The following GALNT1 variants were observed in gnomAD, a reference collection of about 807,000 sequenced individuals.
The protein encoded by GALNT1 is polypeptide N-acetylgalactosaminyltransferase 1.
A neutral mutation model predicts 65.7 loss-of-function variants in GALNT1; 17 were observed. That is an observed-to-expected ratio of 0.26 (90% confidence interval 0.18 to 0.39). The LOEUF (loss-of-function observed/expected upper bound fraction) is 0.39. GALNT1 is among the 10% of genes least tolerant of loss of function. The pLI, the probability that GALNT1 is intolerant of heterozygous loss-of-function variation, is 1.00. For missense variants in GALNT1, 460 were observed against 672.8 expected (o/e 0.68, Z 3.50); for synonymous variants, 210 against 219.7 (o/e 0.96, Z 0.39).
In GALNT1 at chr18:35,663,809, A is replaced by G; in HGVS notation, c.314+7A>G. 6.2e-7 allele frequency: 1 copy of G among 1,612,146 alleles called. No individual in the cohort carries two copies. The highest frequency in any genetic ancestry group is 8.5e-7 in the Non-Finnish European group (1 of 1,179,146). ...CAGATGTTAGGTTAGAAGGGTAAGT[A>G]CTTACTGTGGTCCTGATAGTATGTG... On this transcript the variant is annotated splice_region_variant and intron_variant, in intron 3 of 11. Coordinates refer to ENST00000269195, the MANE Select transcript of GALNT1 (RefSeq NM_020474.4).
chr18:35,582,838 C>T (rs2046338928), intron 1 of GALNT1, among the ~76,000 whole-genome samples: 1 of 152,220 alleles, frequency 6.6e-6, no homozygotes, highest in South Asian at 2.1e-4. Flanking sequence ...GTCCAGTCCT[C>T]TTTACATCAC....
intron 7 of GALNT1, among the ~76,000 whole-genome samples, chr18:35,690,722 A>G (rs766914507): frequency 3.3e-5 from 5 of 152,214 alleles, no homozygotes; most frequent in African/African-American, 4.8e-5. Flanking sequence ...ATACAGCCGG[A>G]GCCCATCATG....
chr18:35,670,816 A>G (rs2047623836), intron 3 of GALNT1, among the ~76,000 whole-genome samples: 1 of 152,246 alleles, frequency 6.6e-6, no homozygotes, highest in South Asian at 2.1e-4. Flanking sequence ...TACATACTTG[A>G]ACACTTGGTT....
chr18:35,659,369 G>C (rs532882924), intron 2 of GALNT1, among the ~76,000 whole-genome samples: 1 of 152,238 alleles, frequency 6.6e-6, no homozygotes, highest in South Asian at 2.1e-4. Context: ...TGAGTCTTTG[G>C]TGACTCCAGA....
chr18:35,638,906 A>G (rs1239424602), intron 1 of GALNT1, among the ~76,000 whole-genome samples: 1 of 152,252 alleles, frequency 6.6e-6, no homozygotes, highest in East Asian at 1.9e-4. Context: ...TTAGAAGTGG[A>G]GCCTGAAGAT....
intron 1 of GALNT1, among the ~76,000 whole-genome samples, chr18:35,633,631 TG>T (rs1275509541): frequency 4.6e-5 from 7 of 152,022 alleles, no homozygotes; most frequent in Non-Finnish European, 1.0e-4. Flanking sequence ...CAACATGGCA[TG>T]TGTATACATA....
chr18:35,639,007 G>A (rs2047128406), intron 1 of GALNT1, among the ~76,000 whole-genome samples: 1 of 152,226 alleles, frequency 6.6e-6, no homozygotes, highest in Non-Finnish European at 1.5e-5. Context: ...TCTTGAGACA[G>A]ACTCTGCTCC....
At chr18:35,599,167 C>T (rs2046546034) in intron 1 of GALNT1, among the ~76,000 whole-genome samples, 1 of 151,854 alleles carries the variant, frequency 6.6e-6, no homozygotes, top group Admixed American at 6.6e-5. Context: ...CTATTATAAA[C>T]AGGTTATCTC....
At chr18:35,672,600 G>T (rs1381847376) in intron 3 of GALNT1, among the ~76,000 whole-genome samples, 2 of 152,070 alleles carry the variant, frequency 1.3e-5, no homozygotes, top group Non-Finnish European at 2.9e-5. Context: ...AACTTCTACT[G>T]CCTTGTACAG....
At chr18:35,651,363 GA>G (rs1468591612) in intron 1 of GALNT1, among the ~76,000 whole-genome samples, 5 of 151,852 alleles carry the variant, frequency 3.3e-5, no homozygotes, top group Admixed American at 2.0e-4. Flanking sequence ...TTACCTTGAG[GA>G]AAAAAACTTC....
At chr18:35,625,288 G>C (rs1328275520) in intron 1 of GALNT1, among the ~76,000 whole-genome samples, 1 of 152,200 alleles carries the variant, frequency 6.6e-6, no homozygotes, top group Non-Finnish European at 1.5e-5. Context: ...TGTGTATAGT[G>C]TCAGGGGTCT....
chr18:35,669,055 C>T (rs77169793), intron 3 of GALNT1, among the ~76,000 whole-genome samples: 2 of 152,198 alleles, frequency 1.3e-5, no homozygotes, highest in African/African-American at 4.8e-5. Flanking sequence ...TCCTAGCTAA[C>T]ATGGTGAAAC....
intron 1 of GALNT1, among the ~76,000 whole-genome samples, chr18:35,640,551 GA>G (rs1271009600): frequency 2.0e-5 from 3 of 152,154 alleles, no homozygotes; most frequent in East Asian, 3.8e-4. Flanking sequence ...AATCTAGTCA[GA>G]ATCATGACAA....
chr18:35,702,459 A>G (rs983964882), intron 9 of GALNT1, among the ~76,000 whole-genome samples: 7 of 152,228 alleles, frequency 4.6e-5, no homozygotes, highest in African/African-American at 1.4e-4. Context: ...GTACCACACT[A>G]TGCTTAAGCT....
chr18:35,637,892 C>T (rs2047111805), intron 1 of GALNT1, among the ~76,000 whole-genome samples: 1 of 152,106 alleles, frequency 6.6e-6, no homozygotes, highest in African/African-American at 2.4e-5. Context: ...ATTCTAGGAC[C>T]CTTAAGAATT....
chr18:35,599,902 A>G (rs1427886594), intron 1 of GALNT1, among the ~76,000 whole-genome samples: 1 of 152,090 alleles, frequency 6.6e-6, no homozygotes, highest in African/African-American at 2.4e-5. Flanking sequence ...TTTTTATGTT[A>G]GTATCATGCT....
intron 1 of GALNT1, among the ~76,000 whole-genome samples, chr18:35,640,995 C>CT (rs896079252): frequency 6.6e-6 from 1 of 152,144 alleles, no homozygotes; most frequent in African/African-American, 2.4e-5. Flanking sequence ...AAAGATGCTA[C>CT]TTTTTTTGTT....
intron 5 of GALNT1, among the ~76,000 whole-genome samples, chr18:35,686,216 G>A (rs953525275): frequency 1.3e-5 from 2 of 152,064 alleles, no homozygotes; most frequent in African/African-American, 2.4e-5. Context: ...TGAAATTCAC[G>A]AAAAAATCTT....
At chr18:35,642,716 AG>A (rs375569909) in intron 1 of GALNT1, among the ~76,000 whole-genome samples, 1,364 of 120,782 alleles carry the variant, frequency 0.011, 22 homozygotes, top group African/African-American at 0.037. Context: ...GAAGCTCATC[AG>A]CAGACTAGAA....
Sources: allele counts gnomAD v4.1 joint callset (sites outside exome capture counted in the v4.1 genomes callset), GRCh38; gene constraint gnomAD v4.1.1; transcripts MANE v1.5; gene names NCBI Gene and HGNC (gene_info 2026-07-23, HGNC 2026-07-21).